The following RFWD3 variants were observed in gnomAD, a reference collection of about 807,000 sequenced individuals.
RFWD3 encodes E3 ubiquitin-protein ligase RFWD3.
RFWD3 carries 65 observed loss-of-function variants against 87.7 expected under a neutral mutation model. The ratio of observed to expected loss-of-function variants is 0.74; its 90% confidence interval spans 0.61 to 0.91. RFWD3 has a LOEUF of 0.91. RFWD3 is among the 40% of genes least tolerant of loss of function. RFWD3 has a pLI of 0.00. For synonymous variants in RFWD3, 433 were observed against 352.8 expected (o/e 1.23, Z -2.55); for missense variants, 1,078 against 938.5 (o/e 1.15, Z -1.94).
chr16:74,630,379 T>G (rs1959056756), intron 10 of RFWD3, among the ~76,000 whole-genome samples: 1 of 152,170 alleles, frequency 6.6e-6, no homozygotes, highest in Non-Finnish European at 1.5e-5. Context: ...ATTACAGGCG[T>G]AAGCCACCGC....
intron 1 of RFWD3, among the ~76,000 whole-genome samples, chr16:74,662,936 G>A (rs1343912152): frequency 8.0e-5 from 12 of 149,394 alleles, no homozygotes; most frequent in African/African-American, 1.5e-4. Flanking sequence ...ATGGAGTCTC[G>A]CTCTGTTGCC....
intron 1 of RFWD3, chr16:74,666,280 G>A (rs1345574455): frequency 1.3e-5 from 2 of 152,218 alleles, no homozygotes; most frequent in Admixed American, 6.5e-5. Context: ...GAAACTTTGG[G>A]CGGGTTTCCT....
intron 3 of RFWD3, 33 bp downstream of exon 3, chr16:74,651,887 C>A (rs1399631656): frequency 6.3e-7 from 1 of 1,593,900 alleles, no homozygotes; most frequent in African/African-American, 1.3e-5. Flanking sequence ...TGGATGTTAG[C>A]CTTGTGAGTC....
At chr16:74,642,922 G>A (rs373633204) in intron 6 of RFWD3, among the ~76,000 whole-genome samples, 1 of 152,178 alleles carries the variant, frequency 6.6e-6, no homozygotes, top group Non-Finnish European at 1.5e-5. Context: ...AATGAGGCTG[G>A]AGAGTATACT....
At chr16:74,647,345 T>C (rs1430613265) in intron 4 of RFWD3, among the ~76,000 whole-genome samples, 3 of 152,070 alleles carry the variant, frequency 2.0e-5, no homozygotes, top group Non-Finnish European at 4.4e-5. Context: ...TGGAGTGCAA[T>C]GGCACAATCT....
intron 6 of RFWD3, among the ~76,000 whole-genome samples, chr16:74,640,556 G>A (rs962544091): frequency 1.3e-5 from 2 of 151,954 alleles, no homozygotes; most frequent in South Asian, 2.1e-4. Flanking sequence ...AGCTACTCAG[G>A]ATGCTGAGGT....
At chr16:74,635,281 T>G (rs776197652) in intron 8 of RFWD3, among the ~76,000 whole-genome samples, 3 of 149,492 alleles carry the variant, frequency 2.0e-5, no homozygotes, top group African/African-American at 4.9e-5. Context: ...AGACTCCATC[T>G]CAAAAAAATA....
intron 6 of RFWD3, 104 bp downstream of exon 6, chr16:74,644,256 CAG>C: frequency 9.8e-7 from 1 of 1,019,328 alleles, no homozygotes; most frequent in South Asian, 1.3e-5. Flanking sequence ...TCCCAAGTCA[CAG>C]GTCAAGTAAA....
chr16:74,628,011 C>T (rs1437459832), intron 11 of RFWD3, among the ~76,000 whole-genome samples: 1 of 152,208 alleles, frequency 6.6e-6, no homozygotes, highest in Non-Finnish European at 1.5e-5. Context: ...AGATGTTCAG[C>T]TGGCTGGGCA....
intron 10 of RFWD3, among the ~76,000 whole-genome samples, chr16:74,629,520 G>A (rs1420044409): frequency 1.3e-5 from 2 of 152,068 alleles, no homozygotes; most frequent in African/African-American, 4.8e-5. Flanking sequence ...TTAGTCAGGT[G>A]TGGTGGCACA....
intron 6 of RFWD3, among the ~76,000 whole-genome samples, chr16:74,643,231 T>C (rs1298795655): frequency 6.6e-6 from 1 of 152,188 alleles, no homozygotes; most frequent in African/African-American, 2.4e-5. Context: ...TCCTTTTGCC[T>C]TGGCCTCCCA....
intron 5 of RFWD3, 29 bp downstream of exon 5, chr16:74,644,512 G>A: frequency 1.2e-6 from 2 of 1,614,136 alleles, no homozygotes; most frequent in South Asian, 1.1e-5. Flanking sequence ...GACTTAACAT[G>A]TTAATGTGTC....
At chr16:74,643,751 C>T (rs1014520326) in intron 6 of RFWD3, among the ~76,000 whole-genome samples, 13 of 145,844 alleles carry the variant, frequency 8.9e-5, no homozygotes, top group African/African-American at 3.3e-4. Context: ...TTTCGGCTCA[C>T]TGCAAGCTCT....
chr16:74,661,977 A>G (rs1267127530), intron 1 of RFWD3, among the ~76,000 whole-genome samples: 3 of 152,152 alleles, frequency 2.0e-5, no homozygotes, highest in African/African-American at 7.2e-5. Context: ...AAAAAGGCTG[A>G]GCAAACTTTA....
chr16:74,642,542 C>T (rs1458306199), intron 6 of RFWD3, among the ~76,000 whole-genome samples: 1 of 152,034 alleles, frequency 6.6e-6, no homozygotes, highest in African/African-American at 2.4e-5. Flanking sequence ...ACTCTGTCAC[C>T]CAGGCTAGAG....
intron 1 of RFWD3, among the ~76,000 whole-genome samples, chr16:74,662,224 T>C (rs1407749509): frequency 1.3e-5 from 2 of 152,186 alleles, no homozygotes; most frequent in South Asian, 2.1e-4. Context: ...TACCTCCTCA[T>C]GCATCAGGAC....
chr16:74,659,141 G>A (rs891524803), intron 2 of RFWD3, among the ~76,000 whole-genome samples: 2 of 152,100 alleles, frequency 1.3e-5, no homozygotes, highest in Non-Finnish European at 2.9e-5. Context: ...TTGGCATCTG[G>A]TTTATAAGTG....
chr16:74,639,354 T>C (rs1959437145), intron 6 of RFWD3, among the ~76,000 whole-genome samples: 1 of 152,202 alleles, frequency 6.6e-6, no homozygotes, highest in South Asian at 2.1e-4. Context: ...GCCATTTCAA[T>C]GATTACAACA....
At chr16:74,652,968 A>C (rs1960677377) in intron 2 of RFWD3, among the ~76,000 whole-genome samples, 1 of 152,176 alleles carries the variant, frequency 6.6e-6, no homozygotes, top group Non-Finnish European at 1.5e-5. Flanking sequence ...GGCATGAGCC[A>C]CCACACCCAG....
Sources: allele counts gnomAD v4.1 joint callset (sites outside exome capture counted in the v4.1 genomes callset), GRCh38; gene constraint gnomAD v4.1.1; transcripts MANE v1.5; gene names NCBI Gene and HGNC (gene_info 2026-07-23, HGNC 2026-07-21).